Variants in KLHL41 observed in about 807,000 individuals in gnomAD.
KLHL41 encodes the protein kelch like family member 41, also known as kelch-like protein 41.
A neutral mutation model predicts 49.2 loss-of-function variants in KLHL41; 31 were observed. The ratio of observed to expected loss-of-function variants is 0.63; its 90% CI spans 0.47 to 0.85. KLHL41 has a LOEUF of 0.85. KLHL41 is among the 40% of genes least tolerant of loss of function. The pLI is 0.00. For missense variants in KLHL41, 663 were observed against 726.7 expected, an observed-to-expected ratio of 0.91 and a Z score of 1.01; for synonymous variants, 218 against 258.5, an observed-to-expected ratio of 0.84 and a Z score of 1.50.
chr2:169,515,562 A>G (rs1684104017), intron 3 of KLHL41, among the ~76,000 whole-genome samples: 1 of 152,226 alleles, frequency 6.6e-6, no homozygotes, highest in Admixed American at 6.5e-5. Flanking sequence ...GTATTTTACT[A>G]CATTAAAACC....
At chr2:169,519,328 T>C (rs1206674827) in intron 4 of KLHL41, among the ~76,000 whole-genome samples, 1 of 152,162 alleles carries the variant, frequency 6.6e-6, no homozygotes. Context: ...TTTAGAAACA[T>C]GTATGCCTGA....
intron 3 of KLHL41, among the ~76,000 whole-genome samples, chr2:169,516,546 C>A (rs1684116515): frequency 2.0e-5 from 3 of 152,200 alleles, no homozygotes; most frequent in Middle Eastern, 6.8e-3. Flanking sequence ...AACACAGGAA[C>A]CCTGCCAAAT....
At chr2:169,522,967 C>T (rs1684224239) in intron 5 of KLHL41, among the ~76,000 whole-genome samples, 1 of 151,976 alleles carries the variant, frequency 6.6e-6, no homozygotes, top group Admixed American at 6.6e-5. Flanking sequence ...AGGTGATCCA[C>T]CCACCTCAGC....
chr2:169,522,005 A>G (rs966147679), intron 5 of KLHL41, among the ~76,000 whole-genome samples: 5 of 152,008 alleles, frequency 3.3e-5, no homozygotes, highest in Non-Finnish European at 4.4e-5. Context: ...AAAAGAAAAA[A>G]AAAAAAAGAA....
intron 3 of KLHL41, among the ~76,000 whole-genome samples, chr2:169,516,113 A>G (rs1168632291): frequency 2.6e-5 from 4 of 152,230 alleles, no homozygotes; most frequent in Non-Finnish European, 4.4e-5. Context: ...TGCCCCTGAA[A>G]AATCTGCCTG....
chr2:169,519,435 TGG>T (rs1684165454), intron 4 of KLHL41, among the ~76,000 whole-genome samples: 1 of 152,170 alleles, frequency 6.6e-6, no homozygotes, highest in South Asian at 2.1e-4. Context: ...GACTGTAATG[TGG>T]GTAAACACTC....
chr2:169,522,552 T>C (rs137963938), intron 5 of KLHL41, among the ~76,000 whole-genome samples: 290 of 152,020 alleles, frequency 1.9e-3, no homozygotes, highest in African/African-American at 6.6e-3. Context: ...ACCAAATATA[T>C]AAATGGGCAG....
At chr2:169,518,418 C>T (rs777173274) in intron 4 of KLHL41, 43 bp downstream of exon 4, 17 of 1,376,984 alleles carry the variant, frequency 1.2e-5, no homozygotes, top group East Asian at 1.2e-4. Context: ...AACAACTATA[C>T]ATTTTAATTG....
rs952951478 is a variant in KLHL41, at chr2:169,510,159, G to A, written c.381G>A (p.Gln127=). 1.2e-6 allele frequency: 2 copies of A among 1,613,966 alleles called. No homozygotes were observed. Among genetic ancestry groups the A allele is most frequent in the African/African-American group, 2.7e-5 (2 of 74,910 alleles). The change falls in exon 1 of 6, where the codon CAG becomes CAA. Residue 127 remains glutamine (Q), a synonymous_variant. Transcript: ENST00000284669. The surrounding 1 kb of genome is among the most constrained non-coding windows in gnomAD (Gnocchi z 4.2). The part of the protein sequence containing the change: ...SVFTVCVSYL[Q]KRLAPGNCLA... ...TTACTGTCTGCGTTTCTTATCTTCA[G>A]AAAAGACTTGCTCCTGGTAACTGTC... is the stretch of plus-strand genomic sequence containing the variant.
intron 3 of KLHL41, among the ~76,000 whole-genome samples, chr2:169,516,117 C>T (rs1684112209): frequency 6.6e-6 from 1 of 152,172 alleles, no homozygotes; most frequent in Admixed American, 6.5e-5. Flanking sequence ...CCTGAAAAAT[C>T]TGCCTGATTT....
intron 3 of KLHL41, among the ~76,000 whole-genome samples, chr2:169,516,153 T>C (rs1684112554): frequency 6.6e-6 from 1 of 152,204 alleles, no homozygotes; most frequent in Non-Finnish European, 1.5e-5. Flanking sequence ...GCCCAGGCCA[T>C]TGAATTAATA....
At position 169,518,171 on chromosome 2, in the gene KLHL41, T is replaced by C; in HGVS notation, c.1377-19T>C. On this transcript the variant is annotated intron_variant, in intron 3 of 5. Coordinates refer to ENST00000284669, the MANE Select transcript of KLHL41 (RefSeq NM_006063.3). ...TCAAAAAAAGGTTCTAAAAGGAACA[T>C]TTGTTTTTCTGTTTACAGAAAATGT... 1.3e-6 allele frequency: 2 copies of C among 1,593,894 alleles called. No homozygotes were observed. Among genetic ancestry groups the C allele is most frequent in the Non-Finnish European group, 1.7e-6 (2 of 1,168,338 alleles).
intron 5 of KLHL41, among the ~76,000 whole-genome samples, chr2:169,521,757 AC>A (rs2105312898): frequency 6.6e-6 from 1 of 152,296 alleles, no homozygotes; most frequent in Non-Finnish European, 1.5e-5. Flanking sequence ...TCTAATTTAA[AC>A]AGCTTTCCAA....
intron 1 of KLHL41, among the ~76,000 whole-genome samples, chr2:169,512,744 T>C (rs1036754428): frequency 6.6e-6 from 1 of 152,138 alleles, no homozygotes; most frequent in Admixed American, 6.6e-5. Context: ...TAAAAGAGGG[T>C]TGTGACTCAT....
rs1302695660 is a variant in KLHL41 at position 169,525,570 on chromosome 2, T to C, written c.1710-15T>C. ...CTAAAGCTGCTTATTGATTACTTTTTTTTTCCTCCATCAGGTATGAAGATG... is the reference window on the plus strand; with the variant it reads ...CTAAAGCTGCTTATTGATTACTTTTCTTTTCCTCCATCAGGTATGAAGATG... On this transcript the variant is annotated splice_polypyrimidine_tract_variant and intron_variant, in intron 5 of 5. Coordinates refer to ENST00000284669, the MANE Select transcript of KLHL41 (RefSeq NM_006063.3). 6.6e-7 allele frequency: 1 copy of C among 1,506,106 alleles called. No homozygotes were observed. The highest frequency in any genetic ancestry group is 1.1e-5 in the South Asian group (1 of 88,666). 93.3% of individuals were successfully genotyped at this position (1,506,106 alleles called of 1,614,324 possible).
chr2:169,520,236 G>A (rs1013304440), intron 4 of KLHL41, among the ~76,000 whole-genome samples: 1 of 131,838 alleles, frequency 7.6e-6, no homozygotes, highest in Non-Finnish European at 1.6e-5. Flanking sequence ...TGCCCAGGCT[G>A]GTCTCATACT....
At chr2:169,511,116 A>G (rs1684024169) in intron 1 of KLHL41, among the ~76,000 whole-genome samples, 1 of 152,228 alleles carries the variant, frequency 6.6e-6, no homozygotes, top group Admixed American at 6.5e-5. Flanking sequence ...TTCATGTTTA[A>G]TGACTTAAGA....
Position 169,518,206 on chromosome 2 carries a change from G to A in KLHL41, c.1393G>A (p.Val465Met), listed in dbSNP as rs1217535416. Residue 465 changes from valine to methionine, a missense_variant, in exon 4 of 6, where the codon GTG becomes ATG. By Grantham distance (21) the Val-to-Met change is conservative. Around this residue, in one of 3 missense-constraint regions of KLHL41, gnomAD observed 528 missense variants for 581.0 expected, o/e 0.91. Coordinates refer to ENST00000284669, the MANE Select transcript of KLHL41 (RefSeq NM_006063.3). ...TGTTTACAGAAAATGTACAAACAGG[G>A]TGTTTATCTTCAACCCCAAAAAAGG... ...KTDDKKCTNR[V>M]FIFNPKKGDW... 3.7e-6 allele frequency: 6 copies of A among 1,612,584 alleles called. No homozygotes were observed. The highest frequency in any genetic ancestry group is 1.7e-4 in the Middle Eastern group (1 of 6,056).
At chr2:169,513,650 C>G (rs1004799764) in intron 1 of KLHL41, among the ~76,000 whole-genome samples, 2 of 152,174 alleles carry the variant, frequency 1.3e-5, no homozygotes, top group African/African-American at 4.8e-5. Context: ...CACATCTATT[C>G]TTAGTATCCA....
Sources: allele counts gnomAD v4.1 joint callset (sites outside exome capture counted in the v4.1 genomes callset), GRCh38; gene constraint gnomAD v4.1.1; regional missense constraint gnomAD v4.1.1; non-coding constraint Gnocchi (gnomAD v3.1); transcripts MANE v1.5; gene names NCBI Gene and HGNC (gene_info 2026-07-23, HGNC 2026-07-21).